The following HSD3B2 variants were observed in gnomAD, a reference collection of about 807,000 sequenced individuals.
HSD3B2 encodes the protein 3 beta-hydroxysteroid dehydrogenase/Delta 5-->4-isomerase type 2.
HSD3B2 carries 8 observed loss-of-function variants against 9.9 expected under a neutral mutation model. That is an observed-to-expected ratio of 0.81 (90% CI 0.47 to 1.46). The LOEUF is 1.46. HSD3B2 is among the 40% of genes most tolerant of loss of function. The pLI is 0.00. For missense variants in HSD3B2, 410 were observed against 448.3 expected (o/e 0.91, Z 0.77); for synonymous variants, 221 against 184.5 (o/e 1.20, Z -1.60).
chr1:119,416,027 G>A (rs1219642760), intron 2 of HSD3B2, among the ~76,000 whole-genome samples: 1 of 152,122 alleles, frequency 6.6e-6, no homozygotes, highest in Non-Finnish European at 1.5e-5. Flanking sequence ...AAAAGGAAGT[G>A]AAGGTACGGA....
At chr1:119,421,738 T>C in intron 3 of HSD3B2, 71 bp from the exon 4 acceptor site, 1 of 1,532,210 alleles carries the variant, frequency 6.5e-7, no homozygotes, top group Non-Finnish European at 9.0e-7. Context: ...GTGGGGCACA[T>C]GGATCTGTGC....
At chr1:119,419,703 G>T (rs1454182069) in intron 3 of HSD3B2, 121 bp downstream of exon 3, 3 of 958,214 alleles carry the variant, frequency 3.1e-6, no homozygotes, top group Non-Finnish European at 4.9e-6. Context: ...AAGTGCCTTT[G>T]CTGATCACTA....
chr1:119,415,651 G>C, intron 2 of HSD3B2, 90 bp downstream of exon 2: 3 of 1,390,562 alleles, frequency 2.2e-6, no homozygotes, highest in Non-Finnish European at 1.0e-6. Flanking sequence ...GTTAAGGAAA[G>C]TTGTAGCCAA....
chr1:119,420,268 T>C (rs1419155622), intron 3 of HSD3B2, among the ~76,000 whole-genome samples: 1 of 152,184 alleles, frequency 6.6e-6, no homozygotes, highest in African/African-American at 2.4e-5. Flanking sequence ...TTTAAAGGAA[T>C]CTTGCCATGC....
rs749638934 is a variant in HSD3B2, at chr1:119,421,961, T to C, written c.460T>C (p.Tyr154His). 1.2e-6 allele frequency: 2 copies of C among 1,614,108 alleles called. No homozygotes were observed. The highest frequency in any genetic ancestry group is 1.7e-6 in the Non-Finnish European group (2 of 1,179,996). ...TCTGGAAAACACATGGCCCACTCCA[T>C]ACCCGTACAGCAAAAAGCTTGCTGA... The part of the protein sequence containing the change: ...EPLENTWPTP[Y>H]PYSKKLAEKA... The change falls in exon 4 of 4, where the codon TAC (tyrosine) becomes CAC (histidine). Residue 154 changes from tyrosine to histidine, a missense_variant. By Grantham distance (83) the Tyr-to-His change is moderately conservative. Transcript: ENST00000369416.
At position 119,419,541 on chromosome 1, in the gene HSD3B2, G is replaced by T. The variant is rs368662017; in HGVS notation, c.266G>T (p.Gly89Val). ...IHTACIIDVF[G>V]VTHRESIMNV... ...ACCGCCTGTATCATTGATGTCTTTG[G>T]TGTCACTCACAGAGAGTCCATCATG... Residue 89 changes from glycine (G) to valine (V), a missense_variant, in exon 3 of 4, where the codon GGT (glycine) becomes GTT (valine). Transcript: ENST00000369416. 1 of 1,613,814 alleles carries T rather than the reference G, an allele frequency of 6.2e-7. No individual in the cohort carries two copies. Among genetic ancestry groups the T allele is most frequent in the Non-Finnish European group, 8.5e-7 (1 of 1,179,886 alleles).
At chr1:119,419,765 A>G (rs1651810786) in intron 3 of HSD3B2, 183 bp downstream of exon 3, 1 of 641,014 alleles carries the variant, frequency 1.6e-6, no homozygotes, top group Non-Finnish European at 2.8e-6. Context: ...TGAGAAAACT[A>G]GGGCTGAGAG....
At chr1:119,421,379 A>ATATATATATATG (rs1246490139) in intron 3 of HSD3B2, among the ~76,000 whole-genome samples, 1 of 110,848 alleles carries the variant, frequency 9.0e-6, no homozygotes, top group Non-Finnish European at 1.9e-5. Context: ...GTGTGTGTGT[A>ATATATATATATG]TATATATATA....
chr1:119,421,171 GTGTAACACAAATTCT>G (rs1465192559), intron 3 of HSD3B2, among the ~76,000 whole-genome samples: 2 of 151,730 alleles, frequency 1.3e-5, no homozygotes, highest in Non-Finnish European at 2.9e-5. Context: ...GAATTTGTGT[GTGTAACACAAATTCT>G]TCCACTGCCC....
intron 2 of HSD3B2, among the ~76,000 whole-genome samples, chr1:119,418,616 T>TA (rs1651772756): frequency 2.6e-5 from 3 of 114,970 alleles, no homozygotes; most frequent in South Asian, 3.1e-4. Flanking sequence ...TCTGTTTATC[T>TA]TTTATTATTA....
chr1:119,422,684 T>C lies in HSD3B2; in HGVS notation c.*64T>C, dbSNP rs909047906. ...GAAATGTCATCAAACTCCACCCACC[T>C]GGCTTCATACAGAAGGCAACAGGGG... On this transcript the variant is annotated 3_prime_UTR_variant, in exon 4 of 4. Transcript: ENST00000369416. 41 of 1,590,282 alleles carry C rather than the reference T, an allele frequency of 2.6e-5. No homozygotes were observed. The highest frequency in any genetic ancestry group is 2.2e-4 in the Middle Eastern group (1 of 4,460).
At chr1:119,421,536 C>T (rs939981074) in intron 3 of HSD3B2, among the ~76,000 whole-genome samples, 2 of 147,264 alleles carry the variant, frequency 1.4e-5, no homozygotes, top group Admixed American at 6.8e-5. Flanking sequence ...TACACACACA[C>T]ACACACACAC....
intron 3 of HSD3B2, among the ~76,000 whole-genome samples, chr1:119,421,427 GTATA>G (rs1339046079): frequency 7.6e-4 from 11 of 14,562 alleles, no homozygotes; most frequent in South Asian, 1.8e-3. Flanking sequence ...GTATATATAT[GTATA>G]TATATATATG....
At chr1:119,421,377 G>GTA (rs776059987) in intron 3 of HSD3B2, among the ~76,000 whole-genome samples, 1,603 of 133,102 alleles carry the variant, frequency 0.012, 16 homozygotes, top group Non-Finnish European at 0.02. Context: ...AAGTGTGTGT[G>GTA]TATATATATA....
Position 119,415,192 on chromosome 1 carries a change from T to C in HSD3B2, c.-100T>C, listed in dbSNP as rs959996348. 1.2e-5 allele frequency: 6 copies of C among 512,618 alleles called. No individual in the cohort carries two copies. Among genetic ancestry groups the C allele is most frequent in the African/African-American group, 1.2e-4 (6 of 51,912 alleles). 31.8% of individuals were successfully genotyped at this position (512,618 alleles called of 1,614,324 possible). Reference sequence around the variant, plus strand: ...GACTCCTCTGTCCAGCTTTTAACAATCTAAGTTACGGTTAGAGCTTTCTCC... The same window carrying C: ...GACTCCTCTGTCCAGCTTTTAACAACCTAAGTTACGGTTAGAGCTTTCTCC... On this transcript the variant is annotated 5_prime_UTR_variant, in exon 1 of 4. Coordinates refer to ENST00000369416, the MANE Select transcript of HSD3B2 (RefSeq NM_000198.4).
chr1:119,421,290 G>A (rs1354353419), intron 3 of HSD3B2, among the ~76,000 whole-genome samples: 1 of 150,074 alleles, frequency 6.7e-6, no homozygotes, highest in Non-Finnish European at 1.5e-5. Context: ...TAATTGTATT[G>A]ATGACAAATC....
At chr1:119,418,617 TTTATTATTATTACTATTATTATTATTA>T (rs1651773342) in intron 2 of HSD3B2, among the ~76,000 whole-genome samples, 4 of 114,922 alleles carry the variant, frequency 3.5e-5, no homozygotes, top group African/African-American at 9.9e-5. Context: ...CTGTTTATCT[TTTATTATTATTACTATTATTATTATTA>T]TTATTATTAT....
In HSD3B2 at chr1:119,422,442, T is replaced by G. The variant is rs1015634162; in HGVS notation, c.941T>G (p.Phe314Cys). 1.9e-6 allele frequency: 3 copies of G among 1,613,944 alleles called. No homozygotes were observed. Among genetic ancestry groups the G allele is most frequent in the Non-Finnish European group, 2.5e-6 (3 of 1,179,980 alleles). Residue 314 changes from phenylalanine (F) to cysteine (C), a missense_variant, in exon 4 of 4, where the codon TTC (phenylalanine) becomes TGC (cysteine). Physicochemically the swap from Phe to Cys is radical, Grantham distance 205 (BLOSUM62 -2). Transcript: ENST00000369416. ...CCAATTTACTCCTATCAACCCCCCT[T>G]CAACCGCCACACAGTCACATTATCA... is the stretch of plus-strand genomic sequence containing the variant. Reference protein sequence around the residue: ...LSPIYSYQPPFNRHTVTLSNS... With the variant: ...LSPIYSYQPPCNRHTVTLSNS...
rs587686062 is a variant in HSD3B2, at chr1:119,421,389, A to G, written c.308-420A>G. On this transcript the variant is annotated intron_variant, in intron 3 of 3. Transcript: ENST00000369416. ...TTAAAGTGTGTGTGTATATATATATATGTATATATATATGTATATATATAT... is the reference window on the plus strand; with the variant it reads ...TTAAAGTGTGTGTGTATATATATATGTGTATATATATATGTATATATATAT... Among the ~76,000 whole-genome samples the G allele has an allele frequency of 2.5e-4, 27 of 107,578 alleles. No individual in the cohort carries two copies. In the South Asian group the frequency reaches 4.1e-3, roughly 16 times the overall value. 70.6% of individuals were successfully genotyped at this position (107,578 alleles called of 152,430 possible).
Sources: allele counts gnomAD v4.1 joint callset (sites outside exome capture counted in the v4.1 genomes callset), GRCh38; gene constraint gnomAD v4.1.1; transcripts MANE v1.5; gene names NCBI Gene and HGNC (gene_info 2026-07-23, HGNC 2026-07-21).